Variants in POLR1A observed in about 807,000 individuals in gnomAD.
POLR1A encodes RNA polymerase I subunit A.
In POLR1A, 84 loss-of-function variants were observed where a neutral mutation model predicts 205.3. The ratio of observed to expected loss-of-function variants is 0.41; its 90% CI spans 0.34 to 0.49. The LOEUF (loss-of-function observed/expected upper bound fraction) is 0.49, where lower values mean the gene tolerates loss of function less well. Ranked by LOEUF, POLR1A falls within the 20% of genes least tolerant of loss-of-function variation. The probability of loss-of-function intolerance (pLI) is 0.22; values close to 1 mark genes in which losing one functional copy is unlikely to be tolerated. For synonymous variants in POLR1A, 799 were observed against 863.7 expected, an observed-to-expected ratio of 0.93 and a Z score of 1.31; for missense variants, 1,645 against 2,204.5, an observed-to-expected ratio of 0.75 and a Z score of 5.08.
Position 86,069,589 on chromosome 2 carries a change from T to C in POLR1A, c.1866+429A>G, listed in dbSNP as rs75326905. On this transcript the variant is annotated intron_variant, in intron 13 of 33. Transcript: ENST00000263857. ...TCACGGGCTGCTGCGGGATCTCTTC[T>C]GGGCCCTTGGGGTTAGGCTGCTTCT... Among the ~76,000 whole-genome samples, 1,087 of 152,334 alleles carry C rather than the reference T, an allele frequency of 7.1e-3. 15 individuals carry two copies. Among genetic ancestry groups the C allele is most frequent in the African/African-American group, 0.024 (1,010 of 41,578 alleles).
intron 9 of POLR1A, among the ~76,000 whole-genome samples, chr2:86,079,830 G>A (rs1429083069): frequency 6.6e-6 from 1 of 152,250 alleles, no homozygotes; most frequent in East Asian, 1.9e-4. Context: ...CCAAAGTGCT[G>A]GGATTACAGG....
At chr2:86,096,473 A>G (rs1451752002) in intron 3 of POLR1A, among the ~76,000 whole-genome samples, 2 of 152,196 alleles carry the variant, frequency 1.3e-5, no homozygotes, top group Non-Finnish European at 2.9e-5. Context: ...TGGCCAAAGC[A>G]ATCTTGAGTA....
At chr2:86,093,158 T>A (rs1183224246) in intron 3 of POLR1A, among the ~76,000 whole-genome samples, 1 of 152,246 alleles carries the variant, frequency 6.6e-6, no homozygotes, top group African/African-American at 2.4e-5. Flanking sequence ...ATGTAATATT[T>A]AGCCACCACA....
In POLR1A at chr2:86,028,743, G is replaced by A; in HGVS notation, c.4780-32C>T. The A allele has an allele frequency of 6.6e-7, 1 of 1,522,284 alleles. No homozygotes were observed. The highest frequency in any genetic ancestry group is 9.1e-7 in the Non-Finnish European group (1 of 1,096,972). The allele number at this position is 1,522,284 out of a possible 1,614,324, so 94.3% of individuals were successfully genotyped here. On this transcript the variant is annotated intron_variant, in intron 31 of 33. Coordinates refer to ENST00000263857, the MANE Select transcript of POLR1A (RefSeq NM_015425.6). The surrounding 1 kb of genome is among the most constrained non-coding windows in gnomAD (Gnocchi z 4.5). ...AGAGGAAGGAAGGGATTTATTTAGA[G>A]GGCCTGGCCTTCTGCTCCCTTCTGC...
intron 13 of POLR1A, among the ~76,000 whole-genome samples, chr2:86,068,352 T>TG (rs1021303653): frequency 3.8e-4 from 42 of 109,306 alleles, no homozygotes; most frequent in Non-Finnish European, 5.7e-4. Context: ...GGCTGTCGAG[T>TG]GGGGCTAAGA....
intron 3 of POLR1A, among the ~76,000 whole-genome samples, chr2:86,092,116 AAAAAATAAATAAAT>A (rs1441287364): frequency 5.3e-5 from 8 of 152,168 alleles, no homozygotes; most frequent in East Asian, 3.8e-4. Context: ...ACTCTGTCTC[AAAAAATAAATAAAT>A]AAAAATAAAT....
chr2:86,031,409 C>A lies in POLR1A; in HGVS notation c.4499G>T (p.Arg1500Leu). 2 of 1,612,960 alleles carry A rather than the reference C, an allele frequency of 1.2e-6. No homozygotes were observed. The highest frequency in any genetic ancestry group is 1.7e-6 in the Non-Finnish European group (2 of 1,179,366). ...QEPQGPEAME[R>L]RVQAVREIHP... ...GATCTCACGCACAGCCTGGACCCGG[C>A]GCTCCATGGCCTCGGGCCCCTGGGG... The change falls in exon 30 of 34, where the codon CGC (arginine) becomes CTC (leucine). Residue 1500 changes from arginine (R) to leucine (L), a missense_variant. Coordinates refer to ENST00000263857, the MANE Select transcript of POLR1A (RefSeq NM_015425.6).
chr2:86,094,417 A>G (rs1325974485), intron 3 of POLR1A, among the ~76,000 whole-genome samples: 1 of 152,138 alleles, frequency 6.6e-6, no homozygotes, highest in Non-Finnish European at 1.5e-5. Context: ...TGCCCTTTGG[A>G]CATGTCCAAT....
At chr2:86,104,490 C>T (rs915458753) in intron 1 of POLR1A, among the ~76,000 whole-genome samples, 1 of 147,620 alleles carries the variant, frequency 6.8e-6, no homozygotes, top group African/African-American at 2.5e-5. Flanking sequence ...GCTCTGTCGC[C>T]AGGCTGGAGT....
At chr2:86,042,478 G>C (rs889387298) in intron 23 of POLR1A, among the ~76,000 whole-genome samples, 3 of 152,232 alleles carry the variant, frequency 2.0e-5, no homozygotes, top group African/African-American at 7.2e-5. Context: ...GTTATTTCTG[G>C]ATCCAGGCTC....
Position 86,022,444 on chromosome 2 carries a change from T to C in POLR1A, c.*4979A>G, listed in dbSNP as rs900210261. 1 of 152,164 alleles carries C rather than the reference T, an allele frequency of 6.6e-6. No homozygotes were observed. The highest frequency in any genetic ancestry group is 1.9e-4 in the East Asian group (1 of 5,196). 9.4% of individuals were successfully genotyped at this position (152,164 alleles called of 1,614,324 possible). A position where few individuals can be genotyped will look rare whatever the true frequency, so the allele number is the denominator to read the frequency against. On this transcript the variant is annotated 3_prime_UTR_variant, in exon 34 of 34. Transcript: ENST00000263857. ...CTTGAGATGTCATCGTACCGATAGGTGGTGACGGTGGCTGTGCATTTCCAC... is the reference window on the plus strand; with the variant it reads ...CTTGAGATGTCATCGTACCGATAGGCGGTGACGGTGGCTGTGCATTTCCAC...
intron 31 of POLR1A, 141 bp downstream of exon 31, chr2:86,030,055 G>T: frequency 1.5e-6 from 1 of 688,526 alleles, no homozygotes; most frequent in Non-Finnish European, 2.5e-6. Flanking sequence ...ACTTGGTTTG[G>T]GGAATGTGGC....
intron 3 of POLR1A, among the ~76,000 whole-genome samples, chr2:86,095,059 C>T (rs1673680423): frequency 6.6e-6 from 1 of 152,244 alleles, no homozygotes; most frequent in African/African-American, 2.4e-5. Context: ...TGGTATTCCG[C>T]ACAGGGCTGC....
chr2:86,078,055 A>T, intron 10 of POLR1A, 59 bp downstream of exon 10: 1 of 1,612,614 alleles, frequency 6.2e-7, no homozygotes, highest in Non-Finnish European at 8.5e-7. Context: ...TTGTTTCAAT[A>T]CACAATGTTT....
chr2:86,041,926 CTGTT>C lies in POLR1A; in HGVS notation c.3531_3534del (p.Thr1178ArgfsTer14). 1 of 1,614,192 alleles carries C rather than the reference CTGTT, an allele frequency of 6.2e-7. No homozygotes were observed. The highest frequency in any genetic ancestry group is 8.5e-7 in the Non-Finnish European group (1 of 1,180,006). ...AGCTCTGATTTCTCATAACTCTTCT[CTGTT>C]TGAGCTGCCCACTCTTGACTGTAGT... On this transcript the variant is annotated frameshift_variant, in exon 24 of 34. Coordinates refer to ENST00000263857, the MANE Select transcript of POLR1A (RefSeq NM_015425.6). LOFTEE classifies it high-confidence loss of function.
chr2:86,045,856 C>G, intron 19 of POLR1A, 87 bp from the exon 20 acceptor site: 1 of 1,219,290 alleles, frequency 8.2e-7, no homozygotes, highest in Non-Finnish European at 1.2e-6. Flanking sequence ...ATAATCTGAC[C>G]TTGAAGAAAA....
chr2:86,068,667 A>T (rs574159558), intron 13 of POLR1A, among the ~76,000 whole-genome samples: 1 of 152,354 alleles, frequency 6.6e-6, no homozygotes, highest in African/African-American at 2.4e-5. Flanking sequence ...ATTTCCAAGT[A>T]ATCTGGGTAG....
intron 19 of POLR1A, among the ~76,000 whole-genome samples, chr2:86,046,928 TAC>T (rs1465163374): frequency 6.6e-6 from 1 of 152,242 alleles, no homozygotes; most frequent in Non-Finnish European, 1.5e-5. Flanking sequence ...TATGTAATAG[TAC>T]AGTTTGTAAA....
At chr2:86,097,692 G>A (rs1426345619) in intron 3 of POLR1A, among the ~76,000 whole-genome samples, 1 of 152,152 alleles carries the variant, frequency 6.6e-6, no homozygotes, top group African/African-American at 2.4e-5. Context: ...AAATAAAGTT[G>A]ATCTCATAGA....
Sources: gnomAD v4.1 joint callset for allele counts (sites outside exome capture counted in the v4.1 genomes callset) on GRCh38, gnomAD v4.1.1 for gene constraint, Gnocchi (gnomAD v3.1) non-coding constraint, MANE v1.5 for transcripts, NCBI Gene and HGNC (gene_info 2026-07-23, HGNC 2026-07-21) for gene names.